The following PTPRD variants were observed in gnomAD, a reference collection of about 807,000 sequenced individuals.
The protein encoded by PTPRD is protein tyrosine phosphatase receptor type D, also known as receptor-type tyrosine-protein phosphatase delta.
PTPRD carries 34 observed loss-of-function variants against 214.5 expected under a neutral mutation model. That is an observed-to-expected ratio of 0.16 (90% CI 0.12 to 0.21). The LOEUF is 0.21. PTPRD is among the 10% of genes least tolerant of loss of function. PTPRD has a pLI of 1.00. For missense variants in PTPRD, 2,545 were observed against 2,398.7 expected, an observed-to-expected ratio of 1.06 and a Z score of -1.27; for synonymous variants, 1,128 against 845.7, an observed-to-expected ratio of 1.33 and a Z score of -5.79.
chr9:9,603,673 T>C (rs543678588), intron 7 of PTPRD, among the ~76,000 whole-genome samples: 9 of 152,106 alleles, frequency 5.9e-5, no homozygotes, highest in Non-Finnish European at 1.3e-4. Context: ...GAGAATCTAA[T>C]GCCTGATGAT....
chr9:9,584,950 C>A (rs1483276801), intron 7 of PTPRD, among the ~76,000 whole-genome samples: 1 of 151,914 alleles, frequency 6.6e-6, no homozygotes, highest in Non-Finnish European at 1.5e-5. Context: ...ATTGCACAAC[C>A]ACAAGGATGC....
At chr9:10,487,966 G>GTCTCCCTCTCTCTCTC (rs1491332095) in intron 2 of PTPRD, among the ~76,000 whole-genome samples, 4 of 110,270 alleles carry the variant, frequency 3.6e-5, no homozygotes, top group African/African-American at 1.2e-4. Flanking sequence ...AATGAACACA[G>GTCTCCCTCTCTCTCTC]TCTCTCTCTC....
chr9:9,701,871 C>A (rs993167686), intron 7 of PTPRD, among the ~76,000 whole-genome samples: 2 of 152,096 alleles, frequency 1.3e-5, no homozygotes, highest in African/African-American at 4.8e-5. Flanking sequence ...GTAATCCCAG[C>A]ATTTTGGGAG....
intron 2 of PTPRD, among the ~76,000 whole-genome samples, chr9:10,382,822 C>G (rs2097848793): frequency 6.6e-6 from 1 of 151,826 alleles, no homozygotes; most frequent in Non-Finnish European, 1.5e-5. Context: ...ATGCAAAGCA[C>G]AAATGATAAT....
rs34786789 is a variant in PTPRD, at chr9:10,394,957, CTTTT to C, written c.-599-53944_-599-53941del. On this transcript the variant is annotated intron_variant, in intron 2 of 45. Coordinates refer to ENST00000381196, the MANE Select transcript of PTPRD (RefSeq NM_002839.4). ...TGTGTTGCCACCATTTTTTCTTTTT[CTTTT>C]TTTTTTTTTTTTTTAGTCAGCTGTC... 4.5e-5 allele frequency among the ~76,000 whole-genome samples: 6 copies of C among 133,212 alleles called. No homozygotes were observed. The South Asian group carries it at 9.6e-4, about 21-fold the overall frequency. 87.4% of individuals were successfully genotyped at this position (133,212 alleles called of 152,430 possible).
intron 2 of PTPRD, among the ~76,000 whole-genome samples, chr9:10,425,867 G>A (rs10959100): frequency 0.078 from 11,819 of 151,816 alleles, 1,017 homozygotes; most frequent in East Asian, 0.47. Flanking sequence ...ATATTCATAA[G>A]TCATATACAA....
chr9:8,832,297 A>G (rs2097310805), intron 11 of PTPRD, among the ~76,000 whole-genome samples: 1 of 152,120 alleles, frequency 6.6e-6, no homozygotes, highest in South Asian at 2.1e-4. Context: ...GCTTTGAGAA[A>G]AACAATGAAG....
chr9:9,116,338 G>A (rs1456456737), intron 10 of PTPRD, among the ~76,000 whole-genome samples: 3 of 152,102 alleles, frequency 2.0e-5, no homozygotes, highest in African/African-American at 7.2e-5. Flanking sequence ...GGTGCTGGAG[G>A]CCATTATCCT....
chr9:10,348,161 A>C (rs1345139817), intron 2 of PTPRD, among the ~76,000 whole-genome samples: 1 of 152,178 alleles, frequency 6.6e-6, no homozygotes, highest in Non-Finnish European at 1.5e-5. Context: ...GTACCCATTA[A>C]TCAACTTCTC....
At chr9:9,356,157 G>C (rs558633624) in intron 9 of PTPRD, among the ~76,000 whole-genome samples, 15 of 151,364 alleles carry the variant, frequency 9.9e-5, no homozygotes, top group Non-Finnish European at 2.1e-4. Flanking sequence ...TTCTGCAAAA[G>C]AAAAAGAACC....
intron 36 of PTPRD, among the ~76,000 whole-genome samples, chr9:8,392,999 A>C (rs930442342): frequency 6.6e-6 from 1 of 152,188 alleles, no homozygotes; most frequent in Admixed American, 6.6e-5. Flanking sequence ...ATATTTAGAA[A>C]GACTTTTCAA....
At chr9:8,769,049 T>G (rs758868150) in intron 11 of PTPRD, among the ~76,000 whole-genome samples, 1 of 152,210 alleles carries the variant, frequency 6.6e-6, no homozygotes, top group Non-Finnish European at 1.5e-5. Context: ...TAATTCTGTG[T>G]GTTAGCATAA....
At chr9:10,356,162 C>A (rs891393160) in intron 2 of PTPRD, among the ~76,000 whole-genome samples, 3 of 150,632 alleles carry the variant, frequency 2.0e-5, no homozygotes, top group Non-Finnish European at 4.4e-5. Flanking sequence ...AAGCTCTGAA[C>A]TGCCTGGCCA....
At chr9:9,751,614 G>GCGT (rs1041560757) in intron 6 of PTPRD, among the ~76,000 whole-genome samples, 6 of 151,998 alleles carry the variant, frequency 3.9e-5, no homozygotes. Context: ...AACATAACTA[G>GCGT]CGTCCTTTTA....
intron 6 of PTPRD, among the ~76,000 whole-genome samples, chr9:9,756,298 G>T (rs1287718768): frequency 1.3e-5 from 2 of 152,074 alleles, no homozygotes; most frequent in African/African-American, 4.8e-5. Context: ...TTTGCCTCTT[G>T]TGATGACTTT....
At chr9:9,201,931 T>C (rs1232071134) in intron 9 of PTPRD, among the ~76,000 whole-genome samples, 1 of 152,090 alleles carries the variant, frequency 6.6e-6, no homozygotes, top group African/African-American at 2.4e-5. Context: ...TCAAGAAACA[T>C]TTAGGAAATG....
chr9:9,857,547 T>G (rs1272206885), intron 5 of PTPRD, among the ~76,000 whole-genome samples: 2 of 152,136 alleles, frequency 1.3e-5, no homozygotes, highest in African/African-American at 4.8e-5. Context: ...GCTCACAGGA[T>G]GCTGGCTCTG....
intron 4 of PTPRD, among the ~76,000 whole-genome samples, chr9:9,945,205 G>A (rs780895358): frequency 1.3e-5 from 2 of 152,106 alleles, no homozygotes; most frequent in African/African-American, 4.8e-5. Context: ...AGTGTCAGTT[G>A]TAAGATGCCC....
chr9:8,498,522 C>T (rs756336038), intron 25 of PTPRD, among the ~76,000 whole-genome samples: 4 of 152,136 alleles, frequency 2.6e-5, no homozygotes, highest in Non-Finnish European at 5.9e-5. Context: ...GGGATCCGTC[C>T]GCCTTTACAG....
Sources: gnomAD v4.1 joint callset for allele counts (sites outside exome capture counted in the v4.1 genomes callset) on GRCh38, gnomAD v4.1.1 for gene constraint, MANE v1.5 for transcripts, NCBI Gene and HGNC (gene_info 2026-07-23, HGNC 2026-07-21) for gene names.